WWOX: variants seen among roughly 807,000 people sequenced by gnomAD.
WWOX encodes WW domain-containing oxidoreductase.
A neutral mutation model predicts 46.2 loss-of-function variants in WWOX; 69 were observed. That is an observed-to-expected ratio of 1.49 (90% CI 1.23 to 1.82). WWOX has a LOEUF of 1.82. Ranked by LOEUF, WWOX falls within the 40% of genes most tolerant of loss-of-function variation. The pLI is 0.00. For synonymous variants in WWOX, 359 were observed against 202.6 expected (o/e 1.77, Z -6.56); for missense variants, 919 against 542.6 (o/e 1.69, Z -6.89).
intron 6 of WWOX, among the ~76,000 whole-genome samples, chr16:78,394,207 GA>G (rs1243096370): frequency 3.5e-4 from 54 of 152,254 alleles, no homozygotes; most frequent in African/African-American, 1.3e-3. Flanking sequence ...CTCAATATGA[GA>G]AATCCATTTT....
chr16:79,198,965 C>T (rs773354812), intron 8 of WWOX, among the ~76,000 whole-genome samples: 4 of 152,164 alleles, frequency 2.6e-5, no homozygotes, highest in Non-Finnish European at 4.4e-5. Context: ...GACTGGGTGT[C>T]TAGAGCCATG....
At chr16:78,329,980 C>G (rs925848467) in intron 5 of WWOX, among the ~76,000 whole-genome samples, 5 of 152,080 alleles carry the variant, frequency 3.3e-5, no homozygotes, top group Admixed American at 6.5e-5. Flanking sequence ...GTCTCAAATT[C>G]CTGGCCTCAA....
At chr16:78,277,505 A>T (rs2079600321) in intron 5 of WWOX, among the ~76,000 whole-genome samples, 1 of 151,334 alleles carries the variant, frequency 6.6e-6, no homozygotes, top group African/African-American at 2.4e-5. Flanking sequence ...GGACAAATAG[A>T]GGGAATATTA....
chr16:78,943,682 A>G (rs114877314), intron 8 of WWOX, among the ~76,000 whole-genome samples: 2,139 of 152,274 alleles, frequency 0.014, 47 homozygotes, highest in African/African-American at 0.048. Flanking sequence ...ACACTGGAAA[A>G]GTAGCAGGGT....
intron 5 of WWOX, among the ~76,000 whole-genome samples, chr16:78,308,631 C>T (rs1192579263): frequency 6.6e-6 from 1 of 152,186 alleles, no homozygotes; most frequent in Non-Finnish European, 1.5e-5. Context: ...AGAGAACATC[C>T]TTCCCTTTCC....
At chr16:78,106,178 A>T (rs1017974569) in intron 1 of WWOX, among the ~76,000 whole-genome samples, 3 of 152,132 alleles carry the variant, frequency 2.0e-5, no homozygotes, top group African/African-American at 7.2e-5. Flanking sequence ...TGAGATAAAG[A>T]CTGCTTTTAA....
intron 8 of WWOX, among the ~76,000 whole-genome samples, chr16:78,785,076 C>A (rs979277731): frequency 6.6e-6 from 1 of 152,104 alleles, no homozygotes; most frequent in Non-Finnish European, 1.5e-5. Flanking sequence ...TGGGCAGTCT[C>A]CAGGGAATAT....
chr16:78,968,789 C>T lies in WWOX; in HGVS notation c.1057-242819C>T, dbSNP rs116357015. Among the ~76,000 whole-genome samples the T allele has an allele frequency of 3.3e-5, 5 of 152,174 alleles. No homozygotes were observed. The South Asian group carries it at 1.0e-3, about 32-fold the overall frequency. ...AAGATTAAAGCTATTGGAGATAGCA[C>T]AGATTGTTTCATTTTATTATGTTCA... On this transcript the variant is annotated intron_variant, in intron 8 of 8. Coordinates refer to ENST00000566780, the MANE Select transcript of WWOX (RefSeq NM_016373.4).
intron 5 of WWOX, among the ~76,000 whole-genome samples, chr16:78,358,813 T>A (rs8060676): frequency 6.6e-6 from 1 of 150,520 alleles, no homozygotes; most frequent in East Asian, 1.9e-4. Context: ...TGTAGCTCTT[T>A]CTGACTTTTT....
intron 8 of WWOX, among the ~76,000 whole-genome samples, chr16:78,721,702 G>C (rs1486806567): frequency 6.6e-6 from 1 of 152,196 alleles, no homozygotes; most frequent in Non-Finnish European, 1.5e-5. Context: ...CGGAAATATT[G>C]GCTGGCCAGT....
In WWOX at chr16:78,829,388, A is replaced by G. The variant is rs141494453; in HGVS notation, c.1057-382220A>G. Among the ~76,000 whole-genome samples the G allele has an allele frequency of 1.1e-4, 17 of 152,272 alleles. No homozygotes were observed. The East Asian group carries it at 1.7e-3, about 16-fold the overall frequency. ...GACTTTTGTTTTATTCGGGCCTTCA[A>G]CAGATTAGATGAGATCCACCCCTAC... On this transcript the variant is annotated intron_variant, in intron 8 of 8. Transcript: ENST00000566780.
At chr16:78,816,835 T>G (rs546618171) in intron 8 of WWOX, among the ~76,000 whole-genome samples, 130 of 152,288 alleles carry the variant, frequency 8.5e-4, no homozygotes, top group African/African-American at 3.0e-3. Context: ...CAAGTACTCA[T>G]CTGTGTAATC....
At chr16:78,544,664 G>A (rs2043981406) in intron 8 of WWOX, among the ~76,000 whole-genome samples, 2 of 152,138 alleles carry the variant, frequency 1.3e-5, no homozygotes, top group Non-Finnish European at 2.9e-5. Context: ...CTTGAGTCCG[G>A]GAGTTTGAGA....
At chr16:78,556,161 G>A (rs1297283223) in intron 8 of WWOX, among the ~76,000 whole-genome samples, 2 of 151,806 alleles carry the variant, frequency 1.3e-5, no homozygotes, top group Admixed American at 1.3e-4. Context: ...GGGTCAATTA[G>A]GCCCTCCTTA....
At chr16:78,987,107 C>G (rs2046798487) in intron 8 of WWOX, among the ~76,000 whole-genome samples, 1 of 152,178 alleles carries the variant, frequency 6.6e-6, no homozygotes, top group Non-Finnish European at 1.5e-5. Context: ...TAACTTGCCA[C>G]TTTGATAGCA....
chr16:78,767,826 G>A (rs1040776553), intron 8 of WWOX, among the ~76,000 whole-genome samples: 1 of 152,032 alleles, frequency 6.6e-6, no homozygotes, highest in Admixed American at 6.5e-5. Flanking sequence ...GTACTTTCAC[G>A]TGCCTACTGG....
intron 8 of WWOX, among the ~76,000 whole-genome samples, chr16:78,928,696 G>C (rs1368714000): frequency 3.9e-5 from 6 of 152,122 alleles, no homozygotes; most frequent in Non-Finnish European, 7.4e-5. Context: ...AATGTGATCA[G>C]TTGGTATATT....
At chr16:78,966,911 G>C (rs2151318348) in intron 8 of WWOX, among the ~76,000 whole-genome samples, 2 of 152,268 alleles carry the variant, frequency 1.3e-5, no homozygotes, top group South Asian at 4.2e-4. Flanking sequence ...TGAGTTTGTA[G>C]ATAAAAAGCG....
chr16:78,766,174 C>T (rs963226496), intron 8 of WWOX, among the ~76,000 whole-genome samples: 1 of 152,240 alleles, frequency 6.6e-6, no homozygotes, highest in Non-Finnish European at 1.5e-5. Flanking sequence ...AGGGGCAGGA[C>T]ATACTGCGTG....
Sources: gnomAD v4.1 joint callset for allele counts (sites outside exome capture counted in the v4.1 genomes callset) on GRCh38, gnomAD v4.1.1 for gene constraint, MANE v1.5 for transcripts, NCBI Gene and HGNC (gene_info 2026-07-23, HGNC 2026-07-21) for gene names.